The following ALPK2 variants were observed in gnomAD, a reference collection of about 807,000 sequenced individuals.
ALPK2 encodes the protein alpha kinase 2, also known as alpha-protein kinase 2.
Under a neutral mutation model 163.1 loss-of-function variants are expected in ALPK2, and 127 were observed. The ratio of observed to expected loss-of-function variants is 0.78; its 90% confidence interval spans 0.67 to 0.90. ALPK2 has a LOEUF of 0.90. Ranked by LOEUF, ALPK2 falls within the 40% of genes least tolerant of loss-of-function variation. The pLI is 0.00. For synonymous variants in ALPK2, 953 were observed against 959.1 expected (o/e 0.99, Z 0.12); for missense variants, 2,360 against 2,589.6 (o/e 0.91, Z 1.92).
At chr18:58,627,701 G>A (rs1414711577) in intron 1 of ALPK2, among the ~76,000 whole-genome samples, 1 of 152,180 alleles carries the variant, frequency 6.6e-6, no homozygotes, top group Non-Finnish European at 1.5e-5. Flanking sequence ...CATTTAGTTT[G>A]TTTTAAGTCC....
rs746992315 is a variant in ALPK2, at chr18:58,482,022, C to T, written c.6314G>A (p.Gly2105Asp). 3 of 1,613,736 alleles carry T rather than the reference C, an allele frequency of 1.9e-6. No homozygotes were observed. The highest frequency in any genetic ancestry group is 8.5e-7 in the Non-Finnish European group (1 of 1,179,728). ...ATCAATGAAGGTCATGGAACAGTTG[C>T]CTTTAAATCCCTTGTACCTGTGAGT... Reference protein sequence around the residue: ...TLAKGYKGFKGNCSMTFIDQF... With the variant: ...TLAKGYKGFKDNCSMTFIDQF... Residue 2105 changes from glycine (G) to aspartate (D), a missense_variant, in exon 13 of 13, where the codon GGC (glycine) becomes GAC (aspartate). Transcript: ENST00000361673.
intron 3 of ALPK2, among the ~76,000 whole-genome samples, chr18:58,600,326 C>T (rs764460350): frequency 2.6e-5 from 4 of 152,206 alleles, no homozygotes; most frequent in African/African-American, 9.7e-5. Context: ...CGTGAGTCAC[C>T]GCATCCGGCC....
At chr18:58,576,588 C>T (rs1393431440) in intron 4 of ALPK2, among the ~76,000 whole-genome samples, 1 of 152,180 alleles carries the variant, frequency 6.6e-6, no homozygotes, top group Non-Finnish European at 1.5e-5. Flanking sequence ...ACCCCCAGTG[C>T]TTCTGTGTCA....
Position 58,537,308 on chromosome 18 carries a change from C to G in ALPK2, c.2879G>C (p.Gly960Ala). The change falls in exon 5 of 13, where the codon GGT (glycine) becomes GCT (alanine). Residue 960 changes from glycine (G) to alanine (A), a missense_variant. By Grantham distance (60) the Gly-to-Ala change is moderately conservative. Coordinates refer to ENST00000361673, the MANE Select transcript of ALPK2 (RefSeq NM_052947.4). ...GGCACTAGGACTGGGGCTCTTGTCA[C>G]CTCCTTCTTTAAATTGCACTAAAGG... ...NNPLVQFKEGGDKSPSPSAAD... is the reference protein window; with the variant it reads ...NNPLVQFKEGADKSPSPSAAD... 1 of 1,614,110 alleles carries G rather than the reference C, an allele frequency of 6.2e-7. No homozygotes were observed. The highest frequency in any genetic ancestry group is 1.1e-5 in the South Asian group (1 of 91,066).
chr18:58,549,581 T>C (rs1221578994), intron 4 of ALPK2, among the ~76,000 whole-genome samples: 2 of 152,232 alleles, frequency 1.3e-5, no homozygotes, highest in African/African-American at 4.8e-5. Context: ...ATATGGTGGC[T>C]TGAAAATTCA....
Position 58,601,637 on chromosome 18 carries a change from T to C in ALPK2, c.227+5685A>G, listed in dbSNP as rs567543337. On this transcript the variant is annotated intron_variant, in intron 3 of 12. Coordinates refer to ENST00000361673, the MANE Select transcript of ALPK2 (RefSeq NM_052947.4). Reference sequence around the variant, plus strand: ...TGTCCTCCTGGGGGATGAGAGCCCATGTGGAGGAGAGCAAGGCGGGCTAGC... The same window carrying C: ...TGTCCTCCTGGGGGATGAGAGCCCACGTGGAGGAGAGCAAGGCGGGCTAGC... 2.1e-3 allele frequency among the ~76,000 whole-genome samples: 316 copies of C among 152,198 alleles called. 2 individuals carry two copies. Among genetic ancestry groups the C allele is most frequent in the South Asian group, 4.6e-3 (22 of 4,814 alleles).
chr18:58,499,888 C>T (rs941837640), intron 11 of ALPK2, among the ~76,000 whole-genome samples: 2 of 152,262 alleles, frequency 1.3e-5, no homozygotes, highest in Non-Finnish European at 2.9e-5. Flanking sequence ...ATCAGATCTG[C>T]TGGCCACCTA....
At chr18:58,626,087 G>A (rs557505477) in intron 1 of ALPK2, among the ~76,000 whole-genome samples, 3 of 152,326 alleles carry the variant, frequency 2.0e-5, no homozygotes, top group South Asian at 4.1e-4. Flanking sequence ...CCAGAGTAAC[G>A]TATCCTGGGT....
chr18:58,510,579 T>C (rs1375601286), intron 10 of ALPK2, among the ~76,000 whole-genome samples: 1 of 152,206 alleles, frequency 6.6e-6, no homozygotes, highest in Non-Finnish European at 1.5e-5. Flanking sequence ...GGTTTGTAGT[T>C]CTCCTTGAAG....
intron 4 of ALPK2, among the ~76,000 whole-genome samples, chr18:58,547,542 C>T (rs2051723973): frequency 6.6e-6 from 1 of 152,220 alleles, no homozygotes; most frequent in African/African-American, 2.4e-5. Flanking sequence ...CCTGCAGAGT[C>T]CTAGAGGCTT....
In ALPK2 at chr18:58,529,197, C is replaced by T. The variant is rs968656073; in HGVS notation, c.5395G>A (p.Glu1799Lys). ...CTTAATTTTACATTTCCAGAGTGTT[C>T]AGGGAACATCTCAGCTTGGATCTTT... is the stretch of plus-strand genomic sequence containing the variant. The part of the protein sequence containing the change: ...LKKIQAEMFP[E>K]HSGNVKLSCQ... Residue 1799 changes from glutamate (E) to lysine (K), a missense_variant, in exon 6 of 13, where the codon GAA becomes AAA. Physicochemically the swap from Glu to Lys is moderately conservative, Grantham distance 56. Coordinates refer to ENST00000361673, the MANE Select transcript of ALPK2 (RefSeq NM_052947.4). 4 of 1,613,762 alleles carry T rather than the reference C, an allele frequency of 2.5e-6. No individual in the cohort carries two copies. The highest frequency in any genetic ancestry group is 2.5e-6 in the Non-Finnish European group (3 of 1,179,880).
intron 1 of ALPK2, among the ~76,000 whole-genome samples, chr18:58,620,884 G>T (rs755896526): frequency 6.6e-6 from 1 of 152,154 alleles, no homozygotes; most frequent in Non-Finnish European, 1.5e-5. Context: ...GGCCCGGCAC[G>T]GTGGCTCCCG....
intron 3 of ALPK2, among the ~76,000 whole-genome samples, chr18:58,601,989 C>T (rs1023817682): frequency 2.6e-5 from 4 of 152,178 alleles, no homozygotes; most frequent in African/African-American, 9.7e-5. Context: ...GATGCAGTAG[C>T]ACCCCACCCC....
chr18:58,490,004 G>A (rs1463576449), intron 12 of ALPK2, among the ~76,000 whole-genome samples: 3 of 152,044 alleles, frequency 2.0e-5, no homozygotes, highest in Non-Finnish European at 4.4e-5. Context: ...TCGCTTGAAT[G>A]AGGTTGCAGT....
chr18:58,504,210 G>C, intron 10 of ALPK2, 62 bp from the exon 11 acceptor site: 1 of 1,383,784 alleles, frequency 7.2e-7, no homozygotes, highest in South Asian at 1.2e-5. Flanking sequence ...GGCTCCTGCG[G>C]CATTCTACTC....
At chr18:58,496,498 C>T (rs992136990) in intron 12 of ALPK2, among the ~76,000 whole-genome samples, 4 of 152,358 alleles carry the variant, frequency 2.6e-5, no homozygotes, top group Admixed American at 2.6e-4. Flanking sequence ...TCGGCGAGAA[C>T]TTCATGAATC....
intron 4 of ALPK2, 80 bp downstream of exon 4, chr18:58,578,734 A>ACACACACACGCGCGCGCGCG (rs745812070): frequency 0.013 from 4,992 of 382,730 alleles, 73 homozygotes; most frequent in Non-Finnish European, 0.016. Flanking sequence ...AAAGGAAGAG[A>ACACACACACGCGCGCGCGCG]CACACACACA....
At chr18:58,568,699 T>G (rs949884155) in intron 4 of ALPK2, among the ~76,000 whole-genome samples, 19 of 152,348 alleles carry the variant, frequency 1.2e-4, no homozygotes, top group African/African-American at 2.2e-4. Context: ...CTTTTAAAAT[T>G]GTTACTCTCA....
At chr18:58,589,405 AT>A (rs532497790) in intron 3 of ALPK2, among the ~76,000 whole-genome samples, 1 of 152,170 alleles carries the variant, frequency 6.6e-6, no homozygotes, top group Non-Finnish European at 1.5e-5. Flanking sequence ...ACTTAGCATG[AT>A]TTTGTGCTTT....
Sources: gnomAD v4.1 joint callset for allele counts (sites outside exome capture counted in the v4.1 genomes callset) on GRCh38, gnomAD v4.1.1 for gene constraint, MANE v1.5 for transcripts, NCBI Gene and HGNC (gene_info 2026-07-23, HGNC 2026-07-21) for gene names.